Variants in CFAP45 observed in about 807,000 individuals in gnomAD.
The protein encoded by CFAP45 is cilia- and flagella-associated protein 45.
In CFAP45, 43 loss-of-function variants were observed where a neutral mutation model predicts 75.6. The ratio of observed to expected loss-of-function variants is 0.57; its 90% confidence interval spans 0.45 to 0.73. CFAP45 has a LOEUF of 0.73. Among genes scored for constraint, CFAP45 ranks in the 30% least tolerant of loss-of-function variants. The pLI is 0.00. For missense variants in CFAP45, 689 were observed against 701.5 expected (o/e 0.98, Z 0.20); for synonymous variants, 223 against 244.6 (o/e 0.91, Z 0.82).
chr1:159,890,693 G>A, intron 2 of CFAP45, 71 bp from the exon 3 acceptor site: 1 of 1,456,358 alleles, frequency 6.9e-7, no homozygotes, highest in Non-Finnish European at 9.6e-7. Context: ...TAACTTCAAG[G>A]ATAGAGCAGC....
chr1:159,896,966 T>G (rs1358569606), intron 1 of CFAP45, among the ~76,000 whole-genome samples: 6 of 152,196 alleles, frequency 3.9e-5, no homozygotes, highest in Admixed American at 3.9e-4. Context: ...GAAAACAGAC[T>G]GTAAGAAACG....
chr1:159,886,984 T>C (rs1484538915), intron 5 of CFAP45, among the ~76,000 whole-genome samples: 1 of 152,136 alleles, frequency 6.6e-6, no homozygotes, highest in African/African-American at 2.4e-5. Flanking sequence ...TTTGGAAATA[T>C]GATGAAAGCA....
rs1015216646 is a variant in CFAP45, at chr1:159,875,561, C to G, written c.1352+995G>C. On this transcript the variant is annotated intron_variant, in intron 10 of 11. Transcript: ENST00000368099. ...CCTGGTCTGGCATGCCACTAACTAC[C>G]CATTGCCAAGAGGAAGGACTTAGAG... Among the ~76,000 whole-genome samples the G allele has an allele frequency of 4.6e-5, 7 of 152,308 alleles. No homozygotes were observed. The East Asian group carries it at 1.2e-3, about 25-fold the overall frequency.
chr1:159,880,664 G>T lies in CFAP45; in HGVS notation c.934C>A (p.Gln312Lys). The change falls in exon 8 of 12, where the codon CAA becomes AAA. Residue 312 changes from glutamine to lysine, a missense_variant. Transcript: ENST00000368099. ...ERRQQQKLKM[Q>K]AEIKRINDEN... Reference sequence around the variant, plus strand: ...TCATTGATGCGCTTAATCTCAGCTTGCATCTTCAGTTTTTGTTGCTGCCTT... The same window carrying T: ...TCATTGATGCGCTTAATCTCAGCTTTCATCTTCAGTTTTTGTTGCTGCCTT... The T allele has an allele frequency of 1.2e-6, 2 of 1,613,672 alleles. No homozygotes were observed. Among genetic ancestry groups the T allele is most frequent in the Non-Finnish European group, 1.7e-6 (2 of 1,179,822 alleles).
At position 159,892,864 on chromosome 1, in the gene CFAP45, C is replaced by CAA. The variant is rs1283896180; in HGVS notation, c.129+314_129+315dup. On this transcript the variant is annotated intron_variant, in intron 2 of 11. Coordinates refer to ENST00000368099, the MANE Select transcript of CFAP45 (RefSeq NM_012337.3). Reference sequence around the variant, plus strand: ...CTGCAAGCTTAGCCCATCAGCCCTGCAATGTTTCCATCATGGAGCTCAACT... The same window carrying CAA: ...CTGCAAGCTTAGCCCATCAGCCCTGCAAAATGTTTCCATCATGGAGCTCAACT... Among the ~76,000 whole-genome samples, 25 of 152,332 alleles carry CAA rather than the reference C, an allele frequency of 1.6e-4. No homozygotes were observed. In the South Asian group the frequency reaches 5.2e-3, roughly 32 times the overall value.
At position 159,872,973 on chromosome 1, in the gene CFAP45, C is replaced by A. The variant is rs1279266808; in HGVS notation, c.1548G>T (p.Glu516Asp). The A allele has an allele frequency of 6.2e-7, 1 of 1,614,100 alleles. No homozygotes were observed. The highest frequency in any genetic ancestry group is 1.3e-5 in the African/African-American group (1 of 74,938). The change falls in exon 11 of 12, where the codon GAG (glutamate) becomes GAT (aspartate). Residue 516 changes from glutamate (E) to aspartate (D), a missense_variant. Coordinates refer to ENST00000368099, the MANE Select transcript of CFAP45 (RefSeq NM_012337.3). ...EAQKRRERID[E>D]IKRKKLEELR... ...GCTCTTCAAGCTTTTTCCTCTTGATCTCATCGATGCGCTCACGGCGTTTCT... is the reference window on the plus strand; with the variant it reads ...GCTCTTCAAGCTTTTTCCTCTTGATATCATCGATGCGCTCACGGCGTTTCT...
chr1:159,878,400 C>T (rs563437697), intron 8 of CFAP45, among the ~76,000 whole-genome samples: 103 of 152,254 alleles, frequency 6.8e-4, no homozygotes, highest in African/African-American at 2.1e-3. Context: ...CGCTTCCCAA[C>T]GCCATTCTTG....
At chr1:159,890,400 G>A in intron 3 of CFAP45, 80 bp downstream of exon 3, 1 of 1,353,722 alleles carries the variant, frequency 7.4e-7, no homozygotes, top group Non-Finnish European at 1.0e-6. Flanking sequence ...GAAACCAGGT[G>A]GGTTTACCCA....
Position 159,872,902 on chromosome 1 carries a change from G to A in CFAP45, c.1577+42C>T, listed in dbSNP as rs190677433. 1,099 of 1,576,178 alleles carry A rather than the reference G, an allele frequency of 7.0e-4. 8 individuals carry two copies. The African/African-American group carries it at 0.012, about 17-fold the overall frequency. On this transcript the variant is annotated intron_variant, in intron 11 of 11. Transcript: ENST00000368099. Reference sequence around the variant, plus strand: ...CCAGCCTGTGGTGCCATCTCTTTGCGGGAGGGAAGAGGATTTGGGAAAGGA... The same window carrying A: ...CCAGCCTGTGGTGCCATCTCTTTGCAGGAGGGAAGAGGATTTGGGAAAGGA...
At chr1:159,885,500 CA>C (rs1649656039) in intron 6 of CFAP45, among the ~76,000 whole-genome samples, 1 of 152,198 alleles carries the variant, frequency 6.6e-6, no homozygotes, top group Non-Finnish European at 1.5e-5. Flanking sequence ...AAAGGTAATT[CA>C]TGTATTGTAT....
chr1:159,883,623 A>AATAT (rs59275156), intron 7 of CFAP45, among the ~76,000 whole-genome samples: 5,429 of 71,410 alleles, frequency 0.076, 101 homozygotes, highest in Non-Finnish European at 0.1. Context: ...TTAACAATAA[A>AATAT]ATATATATAT....
intron 1 of CFAP45, 129 bp from the exon 2 acceptor site, chr1:159,893,434 G>A (rs766633847): frequency 4.9e-5 from 43 of 872,674 alleles, no homozygotes; most frequent in Non-Finnish European, 6.8e-5. Context: ...TAGGGAAAGC[G>A]GCTGTGTAAA....
chr1:159,886,655 T>C lies in CFAP45; in HGVS notation c.623A>G (p.Asp208Gly). ...ILNAKCHAIR[D>G]AQILEKQQIQ... ...CTGCTGCTTCTCCAGGATTTGGGCATCCCGGATGGCATGGCACTTAGCATT... is the reference window on the plus strand; with the variant it reads ...CTGCTGCTTCTCCAGGATTTGGGCACCCCGGATGGCATGGCACTTAGCATT... Residue 208 changes from aspartate (D) to glycine (G), a missense_variant, in exon 6 of 12, where the codon GAT (aspartate) becomes GGT (glycine). Transcript: ENST00000368099. 1 of 1,614,108 alleles carries C rather than the reference T, an allele frequency of 6.2e-7. No individual in the cohort carries two copies. Among genetic ancestry groups the C allele is most frequent in the Non-Finnish European group, 8.5e-7 (1 of 1,179,998 alleles).
chr1:159,886,340 TAA>T (rs11303028), intron 6 of CFAP45, among the ~76,000 whole-genome samples, 169 bp downstream of exon 6: 14 of 141,586 alleles, frequency 9.9e-5, no homozygotes, highest in East Asian at 2.1e-4. Flanking sequence ...AGACTCCCTC[TAA>T]AAAAAAAAAA....
chr1:159,889,403 G>T (rs1271027960), intron 3 of CFAP45, among the ~76,000 whole-genome samples: 1 of 152,170 alleles, frequency 6.6e-6, no homozygotes, highest in Non-Finnish European at 1.5e-5. Flanking sequence ...ACTAATGTGT[G>T]TGTGTTGGGG....
chr1:159,890,634 G>A lies in CFAP45; in HGVS notation c.130-12C>T. ...CCCTGGGCTGGGGACTATGAGTTCA[G>A]AAAGAATAGCTTAGAAGCTTGTCAC... On this transcript the variant is annotated splice_polypyrimidine_tract_variant and intron_variant, in intron 2 of 11. Coordinates refer to ENST00000368099, the MANE Select transcript of CFAP45 (RefSeq NM_012337.3). 2 of 1,613,540 alleles carry A rather than the reference G, an allele frequency of 1.2e-6. No homozygotes were observed. Among genetic ancestry groups the A allele is most frequent in the Non-Finnish European group, 1.7e-6 (2 of 1,179,682 alleles).
intron 11 of CFAP45, 143 bp downstream of exon 11, chr1:159,872,801 T>A (rs1228863038): frequency 1.0e-5 from 9 of 864,912 alleles, no homozygotes; most frequent in Non-Finnish European, 1.6e-5. Flanking sequence ...TTCAGAGGGA[T>A]GAGCCCTGGG....
chr1:159,884,682 G>A (rs1649634108), intron 6 of CFAP45, 117 bp from the exon 7 acceptor site: 4 of 1,052,568 alleles, frequency 3.8e-6, no homozygotes, highest in African/African-American at 3.2e-5. Flanking sequence ...TTTGACAAGT[G>A]CCCCCTAAAC....
At chr1:159,876,431 T>C (rs1181208577) in intron 10 of CFAP45, 125 bp downstream of exon 10, 3 of 701,796 alleles carry the variant, frequency 4.3e-6, no homozygotes, top group East Asian at 2.7e-5. Flanking sequence ...GTTATAATGA[T>C]CCCACCAACC....
Sources: gnomAD v4.1 joint callset for allele counts (sites outside exome capture counted in the v4.1 genomes callset) on GRCh38, gnomAD v4.1.1 for gene constraint, MANE v1.5 for transcripts, NCBI Gene and HGNC (gene_info 2026-07-23, HGNC 2026-07-21) for gene names.